Variants in ADARB2 observed in about 807,000 individuals in gnomAD.
The protein encoded by ADARB2 is adenosine deaminase RNA specific B2 (inactive), also known as inactive double-stranded RNA-specific editase B2.
Under a neutral mutation model 62.2 loss-of-function variants are expected in ADARB2, and 25 were observed. The ratio of observed to expected loss-of-function variants is 0.40; its 90% CI spans 0.29 to 0.56. ADARB2 has a LOEUF of 0.56. Ranked by LOEUF, ADARB2 falls within the 20% of genes least tolerant of loss-of-function variation. ADARB2 has a pLI of 0.43. For synonymous variants in ADARB2, 572 were observed against 500.8 expected (o/e 1.14, Z -1.90); for missense variants, 1,071 against 1,077.4 (o/e 0.99, Z 0.08).
At chr10:1,656,834 T>G (rs950454531) in intron 1 of ADARB2, among the ~76,000 whole-genome samples, 1 of 151,274 alleles carries the variant, frequency 6.6e-6, no homozygotes, top group Non-Finnish European at 1.5e-5. Flanking sequence ...CAAGGCTTAT[T>G]TATCCTGTTG....
At chr10:1,630,731 C>A (rs979500538) in intron 1 of ADARB2, among the ~76,000 whole-genome samples, 7 of 152,082 alleles carry the variant, frequency 4.6e-5, no homozygotes, top group African/African-American at 1.2e-4. Flanking sequence ...CCGAGGTGGG[C>A]AGATCATGAG....
chr10:1,194,478 A>G (rs1227379326), intron 8 of ADARB2, among the ~76,000 whole-genome samples: 2 of 152,100 alleles, frequency 1.3e-5, no homozygotes, highest in Non-Finnish European at 2.9e-5. Context: ...ATCAATCTCT[A>G]TCTGTCATCT....
intron 3 of ADARB2, among the ~76,000 whole-genome samples, chr10:1,334,745 T>A (rs567765909): frequency 3.8e-4 from 19 of 49,924 alleles, no homozygotes; most frequent in Non-Finnish European, 6.5e-4. Context: ...AATGTTTGAT[T>A]TTTTTAAAGG....
intron 1 of ADARB2, among the ~76,000 whole-genome samples, chr10:1,465,639 C>T (rs1482112712): frequency 1.3e-5 from 2 of 152,202 alleles, no homozygotes; most frequent in African/African-American, 4.8e-5. Flanking sequence ...TCAGACTGAC[C>T]TTTGCTCATG....
Position 1,233,814 on chromosome 10 carries a change from A to T in ADARB2, c.1393T>A (p.Phe465Ile). Residue 465 changes from phenylalanine to isoleucine, a missense_variant, in exon 6 of 10, where the codon TTC becomes ATC. By Grantham distance (21) the Phe-to-Ile change is conservative. Transcript: ENST00000381312. ...TAGCCACCTTCTTTTAACCGCACGAATATCGATCGCTCTGAGTCCTCGCGC... is the reference window on the plus strand; with the variant it reads ...TAGCCACCTTCTTTTAACCGCACGATTATCGATCGCTCTGAGTCCTCGCGC... ...KRREDSERSI[F>I]VRLKEGGYRL... is the part of the protein sequence containing the mutation. 1 of 1,614,060 alleles carries T rather than the reference A, an allele frequency of 6.2e-7. No homozygotes were observed. Among genetic ancestry groups the T allele is most frequent in the Non-Finnish European group, 8.5e-7 (1 of 1,180,004 alleles).
intron 1 of ADARB2, among the ~76,000 whole-genome samples, chr10:1,492,812 G>A (rs746045650): frequency 2.0e-5 from 3 of 152,080 alleles, no homozygotes; most frequent in Non-Finnish European, 2.9e-5. Flanking sequence ...ACGAGGCCAG[G>A]AGGGAGAGCA....
intron 1 of ADARB2, among the ~76,000 whole-genome samples, chr10:1,481,778 A>G (rs567990808): frequency 7.3e-5 from 11 of 150,302 alleles, no homozygotes; most frequent in African/African-American, 2.5e-4. Flanking sequence ...AATGGCTTGA[A>G]CCCAGGAGGT....
At chr10:1,480,465 A>G (rs1237892306) in intron 1 of ADARB2, among the ~76,000 whole-genome samples, 2 of 152,282 alleles carry the variant, frequency 1.3e-5, no homozygotes, top group Non-Finnish European at 2.9e-5. Flanking sequence ...TTGGGAGGCC[A>G]AGGCGGGCGG....
chr10:1,332,707 T>G (rs918093577), intron 3 of ADARB2, among the ~76,000 whole-genome samples: 1 of 152,318 alleles, frequency 6.6e-6, no homozygotes, highest in Admixed American at 6.5e-5. Context: ...GTTGTAATTC[T>G]GATCTGTGAT....
rs371122514 is a variant in ADARB2, at chr10:1,707,804, A to G, written c.100+29247T>C. Among the ~76,000 whole-genome samples the G allele has an allele frequency of 6.6e-5, 10 of 152,358 alleles. No individual in the cohort carries two copies. In the South Asian group the frequency reaches 1.9e-3, roughly 28 times the overall value. ...AAGCTTGGTTAAAGCTGTTTCCTGCAGGCAGCACAGAATTCAGACCTTTGT... is the reference window on the plus strand; with the variant it reads ...AAGCTTGGTTAAAGCTGTTTCCTGCGGGCAGCACAGAATTCAGACCTTTGT... On this transcript the variant is annotated intron_variant, in intron 1 of 9. Coordinates refer to ENST00000381312, the MANE Select transcript of ADARB2 (RefSeq NM_018702.4).
intron 1 of ADARB2, among the ~76,000 whole-genome samples, chr10:1,687,314 C>A (rs917290851): frequency 6.6e-6 from 1 of 152,218 alleles, no homozygotes; most frequent in Non-Finnish European, 1.5e-5. Flanking sequence ...CTGTGAGCCA[C>A]CACGCCCAGG....
At chr10:1,669,149 G>A (rs1834348886) in intron 1 of ADARB2, among the ~76,000 whole-genome samples, 1 of 152,202 alleles carries the variant, frequency 6.6e-6, no homozygotes, top group Non-Finnish European at 1.5e-5. Context: ...GCAGGGTGAG[G>A]TGGTACCTCC....
intron 1 of ADARB2, among the ~76,000 whole-genome samples, chr10:1,645,796 G>A (rs189939765): frequency 4.8e-4 from 73 of 152,194 alleles, no homozygotes; most frequent in Non-Finnish European, 7.8e-4. Context: ...TCACTTTAAC[G>A]CCTATACTCC....
At chr10:1,372,582 G>T (rs1832382885) in intron 2 of ADARB2, among the ~76,000 whole-genome samples, 2 of 152,190 alleles carry the variant, frequency 1.3e-5, no homozygotes, top group South Asian at 2.1e-4. Flanking sequence ...AGGGCATGAA[G>T]AGGGAGGTGT....
At chr10:1,327,344 ACAGCGCCTCCTCACGGCC>A (rs1831873973) in intron 3 of ADARB2, among the ~76,000 whole-genome samples, 2 of 28,790 alleles carry the variant, frequency 6.9e-5, no homozygotes, top group African/African-American at 1.7e-4. Flanking sequence ...TCCTCACTGC[ACAGCGCCTCCTCACGGCC>A]CAGCGCCTCC....
chr10:1,460,979 T>C (rs912754734), intron 1 of ADARB2, among the ~76,000 whole-genome samples: 4 of 152,214 alleles, frequency 2.6e-5, no homozygotes, highest in Non-Finnish European at 5.9e-5. Context: ...AAAAACAATT[T>C]TATGTGCAAT....
chr10:1,420,093 A>G (rs1420362237), intron 1 of ADARB2, among the ~76,000 whole-genome samples: 1 of 152,262 alleles, frequency 6.6e-6, no homozygotes, highest in East Asian at 1.9e-4. Context: ...GAAAACATTT[A>G]GCAATTAAGC....
At chr10:1,367,070 T>C (rs1407470017) in intron 2 of ADARB2, among the ~76,000 whole-genome samples, 1 of 150,208 alleles carries the variant, frequency 6.7e-6, no homozygotes, top group Non-Finnish European at 1.5e-5. Context: ...GCTTATGACA[T>C]CGTTGTTGGA....
In ADARB2 at chr10:1,246,159, T is replaced by C. The variant is rs575175237; in HGVS notation, c.1193-3860A>G. ...TTCTTTTGAGAAGTGTCTGTTCATATCCTTCACCCACTTTTTCATGGGGTT... is the reference window on the plus strand; with the variant it reads ...TTCTTTTGAGAAGTGTCTGTTCATACCCTTCACCCACTTTTTCATGGGGTT... On this transcript the variant is annotated intron_variant, in intron 4 of 9. Coordinates refer to ENST00000381312, the MANE Select transcript of ADARB2 (RefSeq NM_018702.4). Among the ~76,000 whole-genome samples, 121 of 152,140 alleles carry C rather than the reference T, an allele frequency of 8.0e-4. 1 individual carries two copies. The highest frequency in any genetic ancestry group is 2.8e-3 in the African/African-American group (116 of 41,418).
Sources: gnomAD v4.1 joint callset for allele counts (sites outside exome capture counted in the v4.1 genomes callset) on GRCh38, gnomAD v4.1.1 for gene constraint, MANE v1.5 for transcripts, NCBI Gene and HGNC (gene_info 2026-07-23, HGNC 2026-07-21) for gene names.